TNK2: variants seen among roughly 807,000 people sequenced by gnomAD.
TNK2 encodes the protein activated CDC42 kinase 1.
Under a neutral mutation model 101.8 loss-of-function variants are expected in TNK2, and 83 were observed. The observed-to-expected ratio is 0.82, with a 90% CI of 0.68 to 0.98. The LOEUF is 0.98. TNK2 is among the 50% of genes least tolerant of loss of function. The pLI is 0.00. For synonymous variants in TNK2, 804 were observed against 633.0 expected (o/e 1.27, Z -4.06); for missense variants, 1,665 against 1,483.2 (o/e 1.12, Z -2.01).
At position 195,878,694 on chromosome 3, in the gene TNK2, T is replaced by C. The variant is rs1750775440; in HGVS notation, c.1015-102A>G. On this transcript the variant is annotated intron_variant, in intron 7 of 15. Transcript: ENST00000672887. This position sits in a 1 kb window ranked among gnomAD's most constrained non-coding sequence, Gnocchi z 4.7. Reference sequence around the variant, plus strand: ...TCCACAGCTGCAGCGGCTGCTGCCATGCCTGGCCTCCAAAGAAGGGATCTG... The same window carrying C: ...TCCACAGCTGCAGCGGCTGCTGCCACGCCTGGCCTCCAAAGAAGGGATCTG... 3 of 1,477,988 alleles carry C rather than the reference T, an allele frequency of 2.0e-6. No homozygotes were observed. Among genetic ancestry groups the C allele is most frequent in the South Asian group, 1.3e-5 (1 of 77,336 alleles). 91.6% of individuals were successfully genotyped at this position (1,477,988 alleles called of 1,614,324 possible). A position where few individuals can be genotyped will look rare whatever the true frequency, so the allele number is the denominator to read the frequency against.
At chr3:195,900,601 G>A (rs1294829841) in intron 1 of TNK2, among the ~76,000 whole-genome samples, 4 of 152,188 alleles carry the variant, frequency 2.6e-5, no homozygotes, top group Admixed American at 2.0e-4. Flanking sequence ...CTGGACCATC[G>A]CTCCCCAACA....
rs1055095691 is a variant in TNK2, at chr3:195,885,139, A to G, written c.235-106T>C. On this transcript the variant is annotated intron_variant, in intron 3 of 15. Transcript: ENST00000672887. The surrounding 1 kb of genome is among the most constrained non-coding windows in gnomAD (Gnocchi z 4.7). ...GGTGATCCCCGGCTTCGGCTTCCAG[A>G]TAGGTCCTGGTTTTGCCAAACTGTC... The G allele has an allele frequency of 6.3e-6, 8 of 1,261,836 alleles. No homozygotes were observed. Among genetic ancestry groups the G allele is most frequent in the East Asian group, 2.5e-5 (1 of 39,270 alleles). 78.2% of individuals were successfully genotyped at this position (1,261,836 alleles called of 1,614,324 possible).
In TNK2 at chr3:195,867,994, G is replaced by A. The variant is rs775738913; in HGVS notation, c.2304C>T (p.His768=). 54 of 1,562,210 alleles carry A rather than the reference G, an allele frequency of 3.5e-5. No homozygotes were observed. Among genetic ancestry groups the A allele is most frequent in the African/African-American group, 2.0e-4 (15 of 73,606 alleles). Residue 768 remains histidine (H), a synonymous_variant, in exon 13 of 16, where the codon CAC becomes CAT. Transcript: ENST00000672887. ...CCGGGGGGGCTGGAGACAGCTGGAC[G>A]TGTGGGCGCGTGGGCCGAGGGGGGA... ...VPIPPRPTRP[H]VQLSPAPPGE...
intron 2 of TNK2, among the ~76,000 whole-genome samples, chr3:195,887,519 G>A (rs936003094): frequency 2.0e-5 from 3 of 152,188 alleles, no homozygotes; most frequent in Admixed American, 1.3e-4. Context: ...CTAAGTCAGT[G>A]TCTAACTTGA....
chr3:195,873,100 A>G (rs1746572957), intron 9 of TNK2, among the ~76,000 whole-genome samples: 1 of 151,942 alleles, frequency 6.6e-6, no homozygotes, highest in Admixed American at 6.6e-5. Flanking sequence ...GGAGCTTTCC[A>G]CCACCTCCCG....
intron 9 of TNK2, among the ~76,000 whole-genome samples, chr3:195,874,166 C>T (rs1747479408): frequency 6.6e-6 from 1 of 152,216 alleles, no homozygotes; most frequent in Non-Finnish European, 1.5e-5. Context: ...GGACTCTGCT[C>T]TCCACACCTC....
intron 9 of TNK2, among the ~76,000 whole-genome samples, chr3:195,873,954 G>A (rs768133380): frequency 2.6e-5 from 4 of 152,198 alleles, no homozygotes; most frequent in Non-Finnish European, 4.4e-5. Flanking sequence ...GGGAGGGAAG[G>A]AAGGAGAGAG....
chr3:195,902,200 C>A (rs1761270471), intron 1 of TNK2, among the ~76,000 whole-genome samples: 1 of 152,158 alleles, frequency 6.6e-6, no homozygotes, highest in South Asian at 2.1e-4. Context: ...GCGTGAGAGA[C>A]ACTTGACTGA....
intron 1 of TNK2, among the ~76,000 whole-genome samples, chr3:195,906,298 T>G (rs989957536): frequency 6.6e-6 from 1 of 152,210 alleles, no homozygotes; most frequent in African/African-American, 2.4e-5. Flanking sequence ...ACCTACCACA[T>G]GACCCAGCCA....
intron 15 of TNK2, among the ~76,000 whole-genome samples, chr3:195,866,158 A>G (rs1220632909): frequency 6.6e-6 from 1 of 152,212 alleles, no homozygotes; most frequent in Admixed American, 6.5e-5. Context: ...TTGTTAAACT[A>G]TAATATAAAC....
chr3:195,866,765 G>T, intron 15 of TNK2, 124 bp downstream of exon 15: 9 of 1,388,180 alleles, frequency 6.5e-6, no homozygotes, highest in Non-Finnish European at 8.7e-6. Flanking sequence ...CCCTCCCGCA[G>T]CTGGAGAGCT....
At chr3:195,887,847 T>C (rs953148721) in intron 2 of TNK2, among the ~76,000 whole-genome samples, 137 of 94,016 alleles carry the variant, frequency 1.5e-3, no homozygotes, top group African/African-American at 4.3e-3. Flanking sequence ...TGTGTGTGTG[T>C]GTGCGTGTCT....
At chr3:195,894,219 A>C (rs926905307) in intron 1 of TNK2, 1 of 152,230 alleles carries the variant, frequency 6.6e-6, no homozygotes, top group African/African-American at 2.4e-5. Context: ...TATTCCCTCT[A>C]TTTCAAAATG....
chr3:195,869,028 C>A, intron 12 of TNK2: 1 of 466,574 alleles, frequency 2.1e-6, no homozygotes. Flanking sequence ...CGGCCCTGCT[C>A]CTGCGCCCTG....
chr3:195,878,233 CCCAG>C lies in TNK2; in HGVS notation c.1256+16_1256+19del. 3.1e-6 allele frequency: 5 copies of C among 1,613,372 alleles called. No homozygotes were observed. The South Asian group carries it at 4.4e-5, about 14-fold the overall frequency. ...CCCTTCAAGCGATCCCAGGGCGGGG[CCCAG>C]CCCTGCACTCCCTACCTTCCCTCGA... is the stretch of plus-strand genomic sequence containing the variant. On this transcript the variant is annotated intron_variant, in intron 9 of 15. Transcript: ENST00000672887. The surrounding 1 kb of genome is among the most constrained non-coding windows in gnomAD (Gnocchi z 4.7).
At chr3:195,907,778 C>T (rs1761892297) in intron 1 of TNK2, among the ~76,000 whole-genome samples, 1 of 152,226 alleles carries the variant, frequency 6.6e-6, no homozygotes, top group Admixed American at 6.5e-5. Context: ...TGCAAACCTC[C>T]CCAGGGTGGG....
Position 195,882,330 on chromosome 3 carries a change from T to G in TNK2, c.610-2A>C. On this transcript the variant is annotated splice_acceptor_variant, in intron 5 of 15. Transcript: ENST00000672887. LOFTEE classifies it high-confidence loss of function. The surrounding 1 kb of genome is among the most constrained non-coding windows in gnomAD (Gnocchi z 4.2). Reference sequence around the variant, plus strand: ...TCCCAGAGGTGCCAGCTCTGTCACCTGAGGCCACGGAGGAGGCAGGAGGAA... The same window carrying G: ...TCCCAGAGGTGCCAGCTCTGTCACCGGAGGCCACGGAGGAGGCAGGAGGAA... The G allele has an allele frequency of 6.2e-7, 1 of 1,609,686 alleles. No individual in the cohort carries two copies. Among genetic ancestry groups the G allele is most frequent in the Non-Finnish European group, 8.5e-7 (1 of 1,176,796 alleles).
At chr3:195,893,306 C>T (rs1038188776) in intron 1 of TNK2, among the ~76,000 whole-genome samples, 1 of 152,094 alleles carries the variant, frequency 6.6e-6, no homozygotes, top group East Asian at 1.9e-4. Flanking sequence ...TGGGGCAGTC[C>T]AGCCAAGAGC....
chr3:195,872,385 C>T lies in TNK2; in HGVS notation c.1342G>A (p.Gly448Ser), dbSNP rs760763690. Residue 448 changes from glycine to serine, a missense_variant, in exon 10 of 16, where the codon GGC (glycine) becomes AGC (serine). This residue lies in a region of TNK2 where 1,136 missense variants were observed against 894.9 expected (regional missense o/e 1.27). Coordinates refer to ENST00000672887, the MANE Select transcript of TNK2 (RefSeq NM_001382273.1). ...FPRNVVTSVA[G>S]LSAQDISQPL... is the part of the protein sequence containing the mutation. The stretch of plus-strand genomic sequence containing the variant: ...TGGCTGATGTCCTGGGCCGACAGGC[C>T]GGCCACGGAGGTCACCACGTTGCGA... 8 of 1,613,226 alleles carry T rather than the reference C, an allele frequency of 5.0e-6. No individual in the cohort carries two copies. Among genetic ancestry groups the T allele is most frequent in the Admixed American group, 1.7e-5 (1 of 59,980 alleles).
Sources: gnomAD v4.1 joint callset for allele counts (sites outside exome capture counted in the v4.1 genomes callset) on GRCh38, gnomAD v4.1.1 for gene constraint, gnomAD v4.1.1 regional missense constraint, Gnocchi (gnomAD v3.1) non-coding constraint, MANE v1.5 for transcripts, NCBI Gene and HGNC (gene_info 2026-07-23, HGNC 2026-07-21) for gene names.